Variants in ADAMTSL1 observed in about 807,000 individuals in gnomAD.
ADAMTSL1 encodes ADAMTS-like protein 1.
Under a neutral mutation model 201.8 loss-of-function variants are expected in ADAMTSL1, and 126 were observed. The observed-to-expected ratio is 0.62, with a 90% CI of 0.54 to 0.72. The LOEUF (loss-of-function observed/expected upper bound fraction) is 0.72, where lower values mean the gene tolerates loss of function less well. ADAMTSL1 is among the 30% of genes least tolerant of loss of function. The pLI, the probability that ADAMTSL1 is intolerant of heterozygous loss-of-function variation, is 0.00. For missense variants in ADAMTSL1, 2,679 were observed against 2,277.8 expected, an observed-to-expected ratio of 1.18 and a Z score of -3.59; for synonymous variants, 1,121 against 903.4, an observed-to-expected ratio of 1.24 and a Z score of -4.32.
At chr9:18,794,972 A>G (rs1018630065) in intron 19 of ADAMTSL1, among the ~76,000 whole-genome samples, 1 of 152,110 alleles carries the variant, frequency 6.6e-6, no homozygotes, top group African/African-American at 2.4e-5. Context: ...TGGAAGCCCT[A>G]CGTTCTTTCA....
At chr9:18,304,275 C>T (rs72686828) in intron 2 of ADAMTSL1, among the ~76,000 whole-genome samples, 11,163 of 151,992 alleles carry the variant, frequency 0.073, 574 homozygotes, top group Non-Finnish European at 0.11. Flanking sequence ...TAGAGCTTGG[C>T]CCACTTCTTT....
intron 2 of ADAMTSL1, among the ~76,000 whole-genome samples, chr9:18,378,198 C>T (rs921560441): frequency 6.6e-6 from 1 of 152,128 alleles, no homozygotes; most frequent in Non-Finnish European, 1.5e-5. Context: ...TGCCTTTGAC[C>T]TAGGAAATAA....
intron 11 of ADAMTSL1, 98 bp from the exon 12 acceptor site, chr9:18,681,714 G>GGGGGGAAA (rs1564146020): frequency 1.1e-6 from 1 of 884,448 alleles, no homozygotes. Flanking sequence ...GGGGGGCGGG[G>GGGGGGAAA]AAAAAGAAAA....
chr9:18,109,768 G>A (rs1052842056), intron 1 of ADAMTSL1, among the ~76,000 whole-genome samples: 23 of 152,116 alleles, frequency 1.5e-4, no homozygotes, highest in Admixed American at 1.3e-3. Flanking sequence ...TGTCAGCAGC[G>A]TGGCACCAGG....
At chr9:18,271,424 T>C (rs1428035887) in intron 2 of ADAMTSL1, among the ~76,000 whole-genome samples, 2 of 151,792 alleles carry the variant, frequency 1.3e-5, no homozygotes, top group African/African-American at 2.4e-5. Flanking sequence ...GAACATGCAG[T>C]GTTTGGTTTT....
intron 2 of ADAMTSL1, among the ~76,000 whole-genome samples, chr9:18,303,721 G>C (rs1833796227): frequency 6.6e-6 from 1 of 152,202 alleles, no homozygotes; most frequent in Non-Finnish European, 1.5e-5. Flanking sequence ...AACCCAAAGA[G>C]AATAAAGAAC....
intron 2 of ADAMTSL1, among the ~76,000 whole-genome samples, chr9:18,451,132 A>T (rs1327092838): frequency 6.6e-6 from 1 of 152,196 alleles, no homozygotes; most frequent in East Asian, 1.9e-4. Flanking sequence ...CCACAGCTGC[A>T]TGTGCATTCT....
At chr9:18,644,467 A>G (rs949295861) in intron 7 of ADAMTSL1, among the ~76,000 whole-genome samples, 2 of 151,972 alleles carry the variant, frequency 1.3e-5, no homozygotes, top group African/African-American at 4.8e-5. Context: ...TACATGTGGC[A>G]TGCTGGTGTG....
chr9:17,972,673 A>T (rs568225380), intron 1 of ADAMTSL1, among the ~76,000 whole-genome samples: 5 of 151,674 alleles, frequency 3.3e-5, no homozygotes, highest in African/African-American at 1.2e-4. Context: ...CTTTGGGTAT[A>T]TACCCAGTAA....
At chr9:18,614,133 A>G (rs1203283094) in intron 4 of ADAMTSL1, among the ~76,000 whole-genome samples, 1 of 152,202 alleles carries the variant, frequency 6.6e-6, no homozygotes, top group African/African-American at 2.4e-5. Context: ...GTGAGGTCAG[A>G]GAGGTCGTTC....
intron 1 of ADAMTSL1, among the ~76,000 whole-genome samples, chr9:17,962,924 G>C (rs1312280401): frequency 1.3e-5 from 2 of 152,220 alleles, no homozygotes; most frequent in Non-Finnish European, 2.9e-5. Flanking sequence ...TATTCAGGGA[G>C]CCACATCAGT....
intron 4 of ADAMTSL1, among the ~76,000 whole-genome samples, chr9:18,585,205 T>C (rs193092140): frequency 6.6e-6 from 1 of 152,318 alleles, no homozygotes; most frequent in East Asian, 1.9e-4. Flanking sequence ...TAACATTGTT[T>C]TCCATCTTGC....
chr9:18,344,964 G>T (rs1251700025), intron 2 of ADAMTSL1, among the ~76,000 whole-genome samples: 2 of 152,094 alleles, frequency 1.3e-5, no homozygotes, highest in African/African-American at 2.4e-5. Context: ...ACAGCCCTGT[G>T]GATATCCCTC....
intron 2 of ADAMTSL1, among the ~76,000 whole-genome samples, chr9:18,202,242 CAT>C (rs1181739740): frequency 6.6e-6 from 1 of 152,082 alleles, no homozygotes; most frequent in Non-Finnish European, 1.5e-5. Context: ...AGCTGTGTGA[CAT>C]AAAGAAATTT....
intron 1 of ADAMTSL1, among the ~76,000 whole-genome samples, chr9:18,033,794 T>C (rs1283174961): frequency 2.6e-5 from 4 of 152,242 alleles, no homozygotes; most frequent in Non-Finnish European, 5.9e-5. Context: ...GTATACCCAT[T>C]AACCTGAATT....
intron 9 of ADAMTSL1, 74 bp downstream of exon 9, chr9:18,662,147 A>T (rs918352651): frequency 4.6e-6 from 7 of 1,516,930 alleles, no homozygotes; most frequent in African/African-American, 1.4e-5. Context: ...ATTAAAATGA[A>T]ACGTTTTAAT....
intron 2 of ADAMTSL1, among the ~76,000 whole-genome samples, chr9:18,367,530 A>G (rs1242154456): frequency 6.6e-6 from 1 of 152,178 alleles, no homozygotes; most frequent in Non-Finnish European, 1.5e-5. Context: ...AATCTCTAAT[A>G]CTATTTTAAG....
At chr9:17,962,280 A>G (rs1366260402) in intron 1 of ADAMTSL1, among the ~76,000 whole-genome samples, 12 of 152,208 alleles carry the variant, frequency 7.9e-5, no homozygotes, top group Admixed American at 7.9e-4. Flanking sequence ...CCTGCCCCAG[A>G]AATGTACCAC....
intron 4 of ADAMTSL1, among the ~76,000 whole-genome samples, chr9:18,601,004 A>G (rs937461881): frequency 1.3e-5 from 2 of 152,084 alleles, no homozygotes; most frequent in African/African-American, 2.4e-5. Flanking sequence ...CTTCAGCATT[A>G]TTCTCCTTCA....
Sources: allele counts gnomAD v4.1 joint callset (sites outside exome capture counted in the v4.1 genomes callset), GRCh38; gene constraint gnomAD v4.1.1; transcripts MANE v1.5; gene names NCBI Gene and HGNC (gene_info 2026-07-23, HGNC 2026-07-21).